The following ZRANB2 variants were observed in gnomAD, a reference collection of about 807,000 sequenced individuals.
ZRANB2 encodes the protein zinc finger Ran-binding domain-containing protein 2.
Under a neutral mutation model 53.4 loss-of-function variants are expected in ZRANB2, and 19 were observed. The ratio of observed to expected loss-of-function variants is 0.36; its 90% CI spans 0.25 to 0.52. The LOEUF (loss-of-function observed/expected upper bound fraction) is 0.52. ZRANB2 is among the 20% of genes least tolerant of loss of function. The pLI, the probability that ZRANB2 is intolerant of heterozygous loss-of-function variation, is 0.93. For missense variants in ZRANB2, 309 were observed against 401.1 expected, an observed-to-expected ratio of 0.77 and a Z score of 1.96; for synonymous variants, 145 against 134.8, an observed-to-expected ratio of 1.08 and a Z score of -0.52.
At chr1:71,065,557 C>T (rs1406541156) in intron 9 of ZRANB2, 3 of 1,375,264 alleles carry the variant, frequency 2.2e-6, no homozygotes, top group African/African-American at 3.0e-5. Flanking sequence ...TACAGCAAGG[C>T]TTCTGTGTAT....
chr1:71,074,597 T>A (rs1302337655), intron 4 of ZRANB2, among the ~76,000 whole-genome samples: 1 of 151,294 alleles, frequency 6.6e-6, no homozygotes, highest in African/African-American at 2.4e-5. Context: ...AAGGAAAGAA[T>A]CCAAAAGAAT....
At chr1:71,075,108 C>T (rs1327971728) in intron 4 of ZRANB2, among the ~76,000 whole-genome samples, 4 of 152,000 alleles carry the variant, frequency 2.6e-5, no homozygotes, top group Non-Finnish European at 5.9e-5. Context: ...AGTTTTGAAA[C>T]TGTTAAAAAG....
intron 6 of ZRANB2, 147 bp downstream of exon 6, chr1:71,071,974 T>C (rs1661603938): frequency 8.5e-7 from 1 of 1,179,344 alleles, no homozygotes; most frequent in East Asian, 2.4e-5. Flanking sequence ...CAAATAGTAC[T>C]TGGCAGAGTG....
intron 1 of ZRANB2, among the ~76,000 whole-genome samples, chr1:71,080,026 A>T (rs1489001061): frequency 6.6e-6 from 1 of 152,140 alleles, no homozygotes; most frequent in Non-Finnish European, 1.5e-5. Flanking sequence ...CTTTTTTAGC[A>T]GTTAAATAAG....
At position 71,066,785 on chromosome 1, in the gene ZRANB2, G is replaced by A. The variant is rs1052017806; in HGVS notation, c.920C>T (p.Ser307Leu). 3 of 1,611,486 alleles carry A rather than the reference G, an allele frequency of 1.9e-6. No individual in the cohort carries two copies. Among genetic ancestry groups the A allele is most frequent in the Non-Finnish European group, 2.5e-6 (3 of 1,179,228 alleles). The change falls in exon 9 of 10, where the codon TCA (serine) becomes TTA (leucine). Residue 307 changes from serine to leucine, a missense_variant. Ser to Leu is a moderately radical substitution (Grantham distance 145). Around this residue, in one of 3 missense-constraint regions of ZRANB2, gnomAD observed 211 missense variants for 196.1 expected, o/e 1.08. Transcript: ENST00000370920. ...CTACAGAAACCCAAACCTTTCGGGT[G>A]ACCGTGATCTTGTTCGTCTTTTTTT... ...DRKKRRTRSR[S>L]PERRHRSSSG...
chr1:71,078,171 G>C (rs968310730), intron 3 of ZRANB2, among the ~76,000 whole-genome samples: 1 of 152,110 alleles, frequency 6.6e-6, no homozygotes, highest in Non-Finnish European at 1.5e-5. Flanking sequence ...ATAGGCCTTA[G>C]TACTTTTAAG....
At chr1:71,076,644 T>A (rs1661716605) in intron 4 of ZRANB2, 151 bp downstream of exon 4, 1 of 650,638 alleles carries the variant, frequency 1.5e-6, no homozygotes. Flanking sequence ...TATGTGTGTA[T>A]GGGGGGAAAA....
intron 8 of ZRANB2, among the ~76,000 whole-genome samples, chr1:71,068,427 T>C (rs1397080964): frequency 2.6e-5 from 4 of 152,136 alleles, no homozygotes; most frequent in African/African-American, 9.7e-5. Flanking sequence ...CAAAGAAAAA[T>C]TTCCTGCAAG....
chr1:71,078,619 ATATACAG>A (rs758839807), intron 2 of ZRANB2, 30 bp downstream of exon 2: 1 of 1,608,298 alleles, frequency 6.2e-7, no homozygotes, highest in East Asian at 2.2e-5. Flanking sequence ...TAAATGATAC[ATATACAG>A]TATAAATAGA....
In ZRANB2 at chr1:71,064,118, A is replaced by G. The variant is rs1224120634; in HGVS notation, c.*956T>C. On this transcript the variant is annotated 3_prime_UTR_variant, in exon 10 of 10. Transcript: ENST00000370920. ...TTACATCATGCAGCAATAAGCATTC[A>G]TTTGTTATTCAGAAGAAAATTGTAT... The G allele has an allele frequency of 6.6e-6, 1 of 152,424 alleles. No homozygotes were observed. Among genetic ancestry groups the G allele is most frequent in the Non-Finnish European group, 1.5e-5 (1 of 67,876 alleles). The allele number at this position is 152,424 out of a possible 1,614,324, so 9.4% of individuals were successfully genotyped here.
intron 8 of ZRANB2, 48 bp from the exon 9 acceptor site, chr1:71,066,982 A>G: frequency 6.6e-7 from 1 of 1,517,436 alleles, no homozygotes; most frequent in Non-Finnish European, 8.8e-7. Context: ...AAGAAGAAAT[A>G]AGGAAGATTA....
chr1:71,072,071 G>C (rs1661605972), intron 6 of ZRANB2, 50 bp downstream of exon 6: 1 of 1,575,250 alleles, frequency 6.3e-7, no homozygotes, highest in Non-Finnish European at 8.6e-7. Flanking sequence ...TTCATGTTAT[G>C]GTATAACTCC....
At position 71,063,692 on chromosome 1, in the gene ZRANB2, T is replaced by C. The variant is rs1239864675; in HGVS notation, c.*1382A>G. ...ATGGGAAAGCTCACTGTAAAAATAT[T>C]ATCAAAATATTTCTACATAAGATAT... On this transcript the variant is annotated 3_prime_UTR_variant, in exon 10 of 10. Transcript: ENST00000370920. 1 of 152,408 alleles carries C rather than the reference T, an allele frequency of 6.6e-6. No individual in the cohort carries two copies. The highest frequency in any genetic ancestry group is 1.5e-5 in the Non-Finnish European group (1 of 67,876). The allele number at this position is 152,408 out of a possible 1,614,324, so 9.4% of individuals were successfully genotyped here. A position where few individuals can be genotyped will look rare whatever the true frequency, so the allele number is the denominator to read the frequency against.
Position 71,072,270 on chromosome 1 carries a change from T to A in ZRANB2, c.379-15A>T. On this transcript the variant is annotated splice_polypyrimidine_tract_variant and intron_variant, in intron 5 of 9. Coordinates refer to ENST00000370920, the MANE Select transcript of ZRANB2 (RefSeq NM_203350.3). ...TTACGTCCAAACTAGAGAAAAACAA[T>A]TTCAAAATGCTTGTCAGCTGATAAT... The A allele has an allele frequency of 1.9e-6, 3 of 1,601,006 alleles. No individual in the cohort carries two copies. The highest frequency in any genetic ancestry group is 2.6e-6 in the Non-Finnish European group (3 of 1,176,330).
intron 6 of ZRANB2, 117 bp from the exon 7 acceptor site, chr1:71,071,113 A>T: frequency 3.6e-6 from 3 of 839,324 alleles, no homozygotes; most frequent in African/African-American, 1.8e-5. Flanking sequence ...TATCTCAGCA[A>T]ATTAATTCTG....
Position 71,063,876 on chromosome 1 carries a change from C to G in ZRANB2, c.*1198G>C, listed in dbSNP as rs928712650. 1.3e-5 allele frequency: 2 copies of G among 152,218 alleles called. No homozygotes were observed. Among genetic ancestry groups the G allele is most frequent in the African/African-American group, 4.8e-5 (2 of 41,376 alleles). The allele number at this position is 152,218 out of a possible 1,614,324, so 9.4% of individuals were successfully genotyped here. On this transcript the variant is annotated 3_prime_UTR_variant, in exon 10 of 10. Coordinates refer to ENST00000370920, the MANE Select transcript of ZRANB2 (RefSeq NM_203350.3). ...CGGAAAAAAAACAAGAAATCAATAT[C>G]CCATAACAAAAAGCCCCCAAGCACA... is the stretch of plus-strand genomic sequence containing the variant.
chr1:71,077,917 C>T (rs994753827), intron 3 of ZRANB2, among the ~76,000 whole-genome samples: 3 of 152,016 alleles, frequency 2.0e-5, no homozygotes, highest in African/African-American at 4.8e-5. Context: ...TGATTTAGAC[C>T]TCTTTCATAC....
At chr1:71,077,017 G>T in intron 3 of ZRANB2, 140 bp from the exon 4 acceptor site, 2 of 685,638 alleles carry the variant, frequency 2.9e-6, no homozygotes, top group East Asian at 2.8e-5. Flanking sequence ...TGTAAACAAA[G>T]AAAATGTACA....
Position 71,063,739 on chromosome 1 carries a change from G to A in ZRANB2, c.*1335C>T, listed in dbSNP as rs1046714719. ...ATATCTTGCTTTCATTTTTAGATCA[G>A]CTGAAGAGAAAAACATTCACTTTAA... On this transcript the variant is annotated 3_prime_UTR_variant, in exon 10 of 10. Transcript: ENST00000370920. 4 of 152,346 alleles carry A rather than the reference G, an allele frequency of 2.6e-5. No individual in the cohort carries two copies. Among genetic ancestry groups the A allele is most frequent in the African/African-American group, 9.7e-5 (4 of 41,412 alleles). 9.4% of individuals were successfully genotyped at this position (152,346 alleles called of 1,614,324 possible).
Sources: allele counts gnomAD v4.1 joint callset (sites outside exome capture counted in the v4.1 genomes callset), GRCh38; gene constraint gnomAD v4.1.1; regional missense constraint gnomAD v4.1.1; transcripts MANE v1.5; gene names NCBI Gene and HGNC (gene_info 2026-07-23, HGNC 2026-07-21).